Variants in MTF2 observed in about 807,000 individuals in gnomAD.
MTF2 encodes the protein metal response element binding transcription factor 2, also known as metal-response element-binding transcription factor 2.
Under a neutral mutation model 79.5 loss-of-function variants are expected in MTF2, and 11 were observed. That is an observed-to-expected ratio of 0.14 (90% confidence interval 0.09 to 0.23). The LOEUF is 0.23. Ranked by LOEUF, MTF2 falls within the 10% of genes least tolerant of loss-of-function variation. MTF2 has a pLI of 1.00. For synonymous variants in MTF2, 208 were observed against 232.8 expected, an observed-to-expected ratio of 0.89 and a Z score of 0.97; for missense variants, 486 against 711.2, an observed-to-expected ratio of 0.68 and a Z score of 3.60.
chr1:93,117,908 C>T (rs1288290999), intron 6 of MTF2, among the ~76,000 whole-genome samples: 2 of 152,118 alleles, frequency 1.3e-5, no homozygotes, highest in Non-Finnish European at 2.9e-5. Context: ...GCCTGTGGTC[C>T]TAGCTACTTG....
chr1:93,082,322 C>G (rs930366454), intron 1 of MTF2, among the ~76,000 whole-genome samples: 3 of 151,066 alleles, frequency 2.0e-5, no homozygotes, highest in African/African-American at 7.3e-5. Context: ...GCTCTGTCAC[C>G]CAGGCTGGAG....
At chr1:93,128,620 G>A (rs1371064378) in intron 10 of MTF2, among the ~76,000 whole-genome samples, 1 of 151,184 alleles carries the variant, frequency 6.6e-6, no homozygotes, top group Non-Finnish European at 1.5e-5. Context: ...GGAGGTTCTT[G>A]TGGCCAGGCA....
intron 1 of MTF2, among the ~76,000 whole-genome samples, chr1:93,092,223 C>T (rs1270908089): frequency 6.6e-6 from 1 of 151,976 alleles, no homozygotes; most frequent in Non-Finnish European, 1.5e-5. Flanking sequence ...GTTATTGAAA[C>T]AGTTTTTTCA....
At position 93,136,854 on chromosome 1, in the gene MTF2, A is replaced by T; in HGVS notation, c.1609A>T (p.Asn537Tyr). Reference protein sequence around the residue: ...FDELNTEILNNLADQELQLNH... With the variant: ...FDELNTEILNYLADQELQLNH... Reference sequence around the variant, plus strand: ...TGAACTCAACACAGAGATTCTGAATAACTTAGCAGATCAGGAGTTACAACT... The same window carrying T: ...TGAACTCAACACAGAGATTCTGAATTACTTAGCAGATCAGGAGTTACAACT... The change falls in exon 15 of 15, where the codon AAC becomes TAC. Residue 537 changes from asparagine (N) to tyrosine (Y), a missense_variant. Physicochemically the swap from Asn to Tyr is moderately radical, Grantham distance 143. Around this residue, in one of 4 missense-constraint regions of MTF2, gnomAD observed 209 missense variants for 206.5 expected, o/e 1.01. Transcript: ENST00000370298. 6.2e-7 allele frequency: 1 copy of T among 1,614,206 alleles called. No individual in the cohort carries two copies. The highest frequency in any genetic ancestry group is 8.5e-7 in the Non-Finnish European group (1 of 1,180,020).
At chr1:93,104,084 G>T (rs941659350) in intron 1 of MTF2, among the ~76,000 whole-genome samples, 1 of 149,842 alleles carries the variant, frequency 6.7e-6, no homozygotes, top group Non-Finnish European at 1.5e-5. Context: ...GACCACAGGC[G>T]TATGCCACTA....
At chr1:93,118,111 A>G (rs1571241891) in intron 6 of MTF2, among the ~76,000 whole-genome samples, 2 of 152,320 alleles carry the variant, frequency 1.3e-5, no homozygotes, top group African/African-American at 4.8e-5. Context: ...GTAGTAGTGT[A>G]TCTTTCAAGA....
chr1:93,110,169 C>T, intron 1 of MTF2, 61 bp from the exon 2 acceptor site: 4 of 1,431,416 alleles, frequency 2.8e-6, no homozygotes, highest in Admixed American at 2.0e-5. Flanking sequence ...TAAAATATCC[C>T]ACTGGTATAA....
intron 3 of MTF2, among the ~76,000 whole-genome samples, chr1:93,112,775 G>A (rs1656080344): frequency 6.6e-6 from 1 of 152,156 alleles, no homozygotes; most frequent in South Asian, 2.1e-4. Context: ...AGCTATATAG[G>A]AAGGTTCTTG....
chr1:93,119,351 CTCTG>C lies in MTF2; in HGVS notation c.752_755del (p.Val251AlafsTer16). On this transcript the variant is annotated frameshift_variant, in exon 8 of 15. Transcript: ENST00000370298. LOFTEE classifies it high-confidence loss of function. ...TTCTTAGATTTTATACGTTTATATGCTCTGTCTGCAGTTCTGGACCAGAATACCT... is the reference window on the plus strand; with the variant it reads ...TTCTTAGATTTTATACGTTTATATGCTCTGCAGTTCTGGACCAGAATACCT... 1 of 1,585,086 alleles carries C rather than the reference CTCTG, an allele frequency of 6.3e-7. No individual in the cohort carries two copies. Among genetic ancestry groups the C allele is most frequent in the Non-Finnish European group, 8.6e-7 (1 of 1,166,982 alleles).
At chr1:93,123,204 CTCTT>C (rs1184295007) in intron 9 of MTF2, among the ~76,000 whole-genome samples, 253 of 143,450 alleles carry the variant, frequency 1.8e-3, no homozygotes, top group African/African-American at 5.9e-3. Flanking sequence ...TGAACATCAG[CTCTT>C]TCTTTTTTTT....
chr1:93,096,037 A>G (rs1655275801), intron 1 of MTF2, among the ~76,000 whole-genome samples: 1 of 152,186 alleles, frequency 6.6e-6, no homozygotes, highest in South Asian at 2.1e-4. Context: ...GAGGTTCTGT[A>G]GAGCAAAGGA....
At position 93,127,523 on chromosome 1, in the gene MTF2, C is replaced by T. The variant is rs149297288; in HGVS notation, c.989+224C>T. On this transcript the variant is annotated intron_variant, in intron 10 of 14. Coordinates refer to ENST00000370298, the MANE Select transcript of MTF2 (RefSeq NM_007358.4). ...TGGGAATGGTGGGTGGGAGACATAT[C>T]GGTATCTCTGGGAGAATTTAGCCTG... 2.0e-5 allele frequency among the ~76,000 whole-genome samples: 3 copies of T among 152,208 alleles called. 1 individual carries two copies. Among genetic ancestry groups the T allele is most frequent in the South Asian group, 4.1e-4 (2 of 4,820 alleles).
At chr1:93,132,526 C>G (rs1320167680) in intron 11 of MTF2, among the ~76,000 whole-genome samples, 1 of 152,148 alleles carries the variant, frequency 6.6e-6, no homozygotes, top group East Asian at 1.9e-4. Flanking sequence ...TTTGAGATTA[C>G]TTTCTTTAGT....
At chr1:93,089,956 G>A (rs1048525928) in intron 1 of MTF2, among the ~76,000 whole-genome samples, 23 of 151,822 alleles carry the variant, frequency 1.5e-4, no homozygotes, top group South Asian at 6.2e-4. Flanking sequence ...GGGATCTCAG[G>A]TGTGCACCAC....
chr1:93,084,191 T>G lies in MTF2; in HGVS notation c.5+4660T>G, dbSNP rs187667110. On this transcript the variant is annotated intron_variant, in intron 1 of 14. Coordinates refer to ENST00000370298, the MANE Select transcript of MTF2 (RefSeq NM_007358.4). ...TATGGTGTGAGGTAGGGGTCCAACTTCAGTGTTTTGCATGTGGATACCAGT... is the reference window on the plus strand; with the variant it reads ...TATGGTGTGAGGTAGGGGTCCAACTGCAGTGTTTTGCATGTGGATACCAGT... Among the ~76,000 whole-genome samples the G allele has an allele frequency of 6.4e-4, 97 of 152,310 alleles. 2 individuals are homozygous for G. Among genetic ancestry groups the G allele is most frequent in the Admixed American group, 1.5e-3 (23 of 15,294 alleles).
At chr1:93,122,959 A>G (rs1422471055) in intron 9 of MTF2, among the ~76,000 whole-genome samples, 1 of 152,116 alleles carries the variant, frequency 6.6e-6, no homozygotes, top group Non-Finnish European at 1.5e-5. Flanking sequence ...GGTAACATAA[A>G]TAATGGGTCA....
At chr1:93,101,597 T>TTTTTTTG (rs71094228) in intron 1 of MTF2, among the ~76,000 whole-genome samples, 1 of 122,966 alleles carries the variant, frequency 8.1e-6, no homozygotes, top group African/African-American at 3.2e-5. Flanking sequence ...TTTTTTTTTT[T>TTTTTTTG]GAGACAGGGT....
At chr1:93,118,686 T>G (rs1467902540) in intron 7 of MTF2, among the ~76,000 whole-genome samples, 1 of 152,208 alleles carries the variant, frequency 6.6e-6, no homozygotes, top group African/African-American at 2.4e-5. Context: ...TACTCTAAAG[T>G]ATTCTCATTG....
Position 93,092,209 on chromosome 1 carries a change from ATT to A in MTF2, c.5+12679_5+12680del, listed in dbSNP as rs746244689. Among the ~76,000 whole-genome samples, 4 of 152,274 alleles carry A rather than the reference ATT, an allele frequency of 2.6e-5. No individual in the cohort carries two copies. In the East Asian group the frequency reaches 5.8e-4, roughly 22 times the overall value. On this transcript the variant is annotated intron_variant, in intron 1 of 14. Coordinates refer to ENST00000370298, the MANE Select transcript of MTF2 (RefSeq NM_007358.4). ...TTTTCTCATATCTCTGAGGATATTA[ATT>A]GGTTATTGAAACAGTTTTTTCACAT... is the stretch of plus-strand genomic sequence containing the variant.
Sources: allele counts gnomAD v4.1 joint callset (sites outside exome capture counted in the v4.1 genomes callset), GRCh38; gene constraint gnomAD v4.1.1; regional missense constraint gnomAD v4.1.1; transcripts MANE v1.5; gene names NCBI Gene and HGNC (gene_info 2026-07-23, HGNC 2026-07-21).